The following EDARADD variants were observed in gnomAD, a reference collection of about 807,000 sequenced individuals.
EDARADD encodes the protein EDAR associated via death domain.
A neutral mutation model predicts 25.6 loss-of-function variants in EDARADD; 20 were observed. The observed-to-expected ratio is 0.78, with a 90% CI of 0.55 to 1.14. The LOEUF (loss-of-function observed/expected upper bound fraction) is 1.14. EDARADD is among the 50% of genes most tolerant of loss of function. The pLI is 0.00. For missense variants in EDARADD, 225 were observed against 270.1 expected, an observed-to-expected ratio of 0.83 and a Z score of 1.17; for synonymous variants, 86 against 94.4, an observed-to-expected ratio of 0.91 and a Z score of 0.52.
At chr1:236,431,927 C>CAAAAAA (rs1170622280) in intron 4 of EDARADD, among the ~76,000 whole-genome samples, 502 of 17,956 alleles carry the variant, frequency 0.028, 57 homozygotes, top group Middle Eastern at 0.056. Context: ...GACTCCGTCT[C>CAAAAAA]AAAAAAAAAA....
At chr1:236,460,911 C>T (rs1371059249) in intron 4 of EDARADD, among the ~76,000 whole-genome samples, 1 of 152,074 alleles carries the variant, frequency 6.6e-6, no homozygotes, top group Non-Finnish European at 1.5e-5. Context: ...CAACCTCTGC[C>T]GCCTGGTTCA....
chr1:236,372,500 T>C (rs1192427752), intron 3 of EDARADD, among the ~76,000 whole-genome samples: 4 of 152,232 alleles, frequency 2.6e-5, no homozygotes, highest in Non-Finnish European at 5.9e-5. Context: ...TTTGAATCTA[T>C]GTTCACAGAG....
intron 3 of EDARADD, among the ~76,000 whole-genome samples, chr1:236,354,257 G>C (rs966981432): frequency 1.3e-5 from 2 of 152,250 alleles, no homozygotes; most frequent in Middle Eastern, 3.4e-3. Flanking sequence ...ACACATGAAA[G>C]TGCCAGGATA....
upstream of EDARADD, among the ~76,000 whole-genome samples, chr1:236,393,141 A>G (rs1247921669): frequency 6.6e-6 from 1 of 152,170 alleles, no homozygotes; most frequent in Non-Finnish European, 1.5e-5. Flanking sequence ...AGACACTTGC[A>G]GACTCAGTTT....
intron 4 of EDARADD, among the ~76,000 whole-genome samples, chr1:236,466,248 G>A (rs758190218): frequency 1.3e-5 from 2 of 152,140 alleles, no homozygotes; most frequent in African/African-American, 2.4e-5. Flanking sequence ...GCAAACAGGC[G>A]GGTCTCCACA....
chr1:236,363,006 A>AATAT (rs1184705463), intron 3 of EDARADD, among the ~76,000 whole-genome samples: 62 of 42,940 alleles, frequency 1.4e-3, no homozygotes, highest in Middle Eastern at 0.02. Flanking sequence ...AAAAAAAAAA[A>AATAT]ATATATATAT....
At position 236,405,779 on chromosome 1, in the gene EDARADD, TTC is replaced by T. The variant is rs1399828175; in HGVS notation, c.62-3435_62-3434del. ...TTTCTTTCTTTCTTTCTTTCTTTCT[TTC>T]TTTCTTTCTTTTCTTTTTCTTTCTT... On this transcript the variant is annotated intron_variant, in intron 1 of 5. Coordinates refer to ENST00000334232, the MANE Select transcript of EDARADD (RefSeq NM_145861.4). Among the ~76,000 whole-genome samples, 291 of 49,768 alleles carry T rather than the reference TTC, an allele frequency of 5.8e-3. 2 individuals are homozygous for T. The highest frequency in any genetic ancestry group is 7.0e-3 in the Non-Finnish European group (141 of 20,266). 32.6% of individuals were successfully genotyped at this position (49,768 alleles called of 152,430 possible). A position where few individuals can be genotyped will look rare whatever the true frequency, so the allele number is the denominator to read the frequency against.
At chr1:236,399,055 T>C (rs915721226) in intron 1 of EDARADD, among the ~76,000 whole-genome samples, 3 of 152,228 alleles carry the variant, frequency 2.0e-5, no homozygotes, top group East Asian at 1.9e-4. Context: ...TTTAGGAACT[T>C]ACTCATCGAG....
At chr1:236,473,957 G>A (rs1319214904) in intron 5 of EDARADD, among the ~76,000 whole-genome samples, 2 of 152,108 alleles carry the variant, frequency 1.3e-5, no homozygotes, top group Non-Finnish European at 2.9e-5. Flanking sequence ...CATCTTTAAA[G>A]AACATTGGCA....
At chr1:236,423,864 G>A (rs1657840914) in intron 3 of EDARADD, among the ~76,000 whole-genome samples, 1 of 152,138 alleles carries the variant, frequency 6.6e-6, no homozygotes, top group African/African-American at 2.4e-5. Flanking sequence ...CCAGCACTTT[G>A]CGAGGCCGAG....
chr1:236,466,709 A>G (rs1481295926), intron 4 of EDARADD, among the ~76,000 whole-genome samples: 1 of 152,148 alleles, frequency 6.6e-6, no homozygotes, highest in Non-Finnish European at 1.5e-5. Flanking sequence ...AGACATGGCG[A>G]TGGGTGAGCT....
chr1:236,479,856 G>T (rs1276865472), intron 5 of EDARADD, among the ~76,000 whole-genome samples: 1 of 150,788 alleles, frequency 6.6e-6, no homozygotes, highest in Admixed American at 6.6e-5. Flanking sequence ...GACCAGCCTG[G>T]GTAACATAGC....
chr1:236,368,969 C>G (rs904789790), intron 3 of EDARADD, among the ~76,000 whole-genome samples: 1 of 151,942 alleles, frequency 6.6e-6, no homozygotes, highest in African/African-American at 2.4e-5. Context: ...CTTTTTAAAA[C>G]AAATTTTTAG....
At chr1:236,428,587 G>C (rs1015872534) in intron 4 of EDARADD, among the ~76,000 whole-genome samples, 2 of 122,980 alleles carry the variant, frequency 1.6e-5, no homozygotes, top group African/African-American at 5.3e-5. Flanking sequence ...TGGGCTGCCG[G>C]GCAGAGGCGC....
chr1:236,387,540 G>C (rs1667372795), intron 3 of EDARADD, among the ~76,000 whole-genome samples: 1 of 13,354 alleles, frequency 7.5e-5, no homozygotes, highest in African/African-American at 2.3e-4. Context: ...GACAATGGCG[G>C]CTTTGTGGAA....
At position 236,440,708 on chromosome 1, in the gene EDARADD, A is replaced by G. The variant is rs1395807650; in HGVS notation, c.219+13258A>G. On this transcript the variant is annotated intron_variant, in intron 4 of 5. Coordinates refer to ENST00000334232, the MANE Select transcript of EDARADD (RefSeq NM_145861.4). ...TTGGTAATTCTCACAATATTTTGGT[A>G]TTTGTTATGATGATCTGTGACTCGT... 2.6e-5 allele frequency among the ~76,000 whole-genome samples: 4 copies of G among 151,892 alleles called. No individual in the cohort carries two copies. In the East Asian group the frequency reaches 7.7e-4, roughly 29 times the overall value.
At chr1:236,409,788 T>G (rs1032393023) in intron 2 of EDARADD, among the ~76,000 whole-genome samples, 6 of 151,566 alleles carry the variant, frequency 4.0e-5, no homozygotes, top group African/African-American at 1.5e-4. Context: ...GGTCTTGAAC[T>G]CCTAACCTCA....
chr1:236,484,274 T>A lies in EDARADD; in HGVS notation c.*1625T>A. On this transcript the variant is annotated 3_prime_UTR_variant, in exon 6 of 6. Transcript: ENST00000334232. This position sits in a 1 kb window ranked among gnomAD's most constrained non-coding sequence, Gnocchi z 4.1. ...CCAATGGTTGGTGTGTCATGGTGCC[T>A]CATCATTCTGGGGAGACTGAAAATA... The A allele has an allele frequency of 1.0e-6, 1 of 986,706 alleles. No individual in the cohort carries two copies. The highest frequency in any genetic ancestry group is 1.6e-6 in the Non-Finnish European group (1 of 608,858). 61.1% of individuals were successfully genotyped at this position (986,706 alleles called of 1,614,324 possible).
chr1:236,450,545 A>G (rs376837168), intron 4 of EDARADD, among the ~76,000 whole-genome samples: 123 of 41,494 alleles, frequency 3.0e-3, no homozygotes, highest in Non-Finnish European at 4.3e-3. Flanking sequence ...TTCTCCCCCC[A>G]ACCCCCCCTT....
Sources: gnomAD v4.1 joint callset for allele counts (sites outside exome capture counted in the v4.1 genomes callset) on GRCh38, gnomAD v4.1.1 for gene constraint, Gnocchi (gnomAD v3.1) non-coding constraint, MANE v1.5 for transcripts, NCBI Gene and HGNC (gene_info 2026-07-23, HGNC 2026-07-21) for gene names.